TMEM255A: variants seen among roughly 807,000 people sequenced by gnomAD.
TMEM255A encodes the protein transmembrane protein 255A.
A neutral mutation model predicts 23.5 loss-of-function variants in TMEM255A; 14 were observed. The observed-to-expected ratio is 0.60, with a 90% CI of 0.39 to 0.93. The LOEUF (loss-of-function observed/expected upper bound fraction) is 0.93, where lower values mean the gene tolerates loss of function less well. Ranked by LOEUF, TMEM255A falls within the 40% of genes least tolerant of loss-of-function variation. TMEM255A has a pLI of 0.00. For missense variants in TMEM255A, 233 were observed against 261.7 expected, an observed-to-expected ratio of 0.89 and a Z score of 0.76; for synonymous variants, 104 against 100.3, an observed-to-expected ratio of 1.04 and a Z score of -0.22.
chrX:120,252,066 G>A, the TMEM255A span, among the ~76,000 whole-genome samples: 1 of 112,204 alleles, frequency 8.9e-6, no homozygotes, highest in Non-Finnish European at 1.9e-5. Flanking sequence ...CCTTGGTACT[G>A]TTAACATGCA....
At chrX:120,264,911 C>T (rs1302866065) in intron 8 of TMEM255A, among the ~76,000 whole-genome samples, 1 of 101,556 alleles carries the variant, frequency 9.8e-6, no homozygotes, top group Non-Finnish European at 2.0e-5. Flanking sequence ...GCGCTTCTCT[C>T]TTGTTGCCCA....
At chrX:120,254,825 G>C (rs143194661), downstream of TMEM255A, 2 of 1,212,018 alleles carry the variant, frequency 1.7e-6, no homozygotes, top group Middle Eastern at 2.3e-4. Context: ...CTGGCAGCGA[G>C]ATGGCAAACA....
At chrX:120,262,005 C>T (rs1317639644) in intron 8 of TMEM255A, among the ~76,000 whole-genome samples, 1 of 111,834 alleles carries the variant, frequency 8.9e-6, no homozygotes, top group Non-Finnish European at 1.9e-5. Flanking sequence ...AAAATAAAAT[C>T]TAGGCCGGGC....
At chrX:120,294,230 C>G (rs914629854) in intron 2 of TMEM255A, among the ~76,000 whole-genome samples, 179 bp from the exon 3 acceptor site, 1 of 109,566 alleles carries the variant, frequency 9.1e-6, no homozygotes, top group Non-Finnish European at 1.9e-5. Context: ...GTCAGGAGAT[C>G]GAGACCATCC....
In TMEM255A at chrX:120,260,427, A is replaced by G. The variant is rs1556016387; in HGVS notation, c.*443T>C. On this transcript the variant is annotated 3_prime_UTR_variant, in exon 9 of 9. Coordinates refer to ENST00000371369, the MANE Select transcript of TMEM255A (RefSeq NM_001104544.3). ...CTACTGTGTAGCCCCATCAGCTGGGAAATTGTCCTTAGGGACTGACTTTAG... is the reference window on the plus strand; with the variant it reads ...CTACTGTGTAGCCCCATCAGCTGGGGAATTGTCCTTAGGGACTGACTTTAG... 1 of 121,055 alleles carries G rather than the reference A, an allele frequency of 8.3e-6. No individual in the cohort carries two copies. The highest frequency in any genetic ancestry group is 1.7e-5 in the Non-Finnish European group (1 of 60,089). 10.0% of individuals were successfully genotyped at this position (121,055 alleles called of 1,213,427 possible).
chrX:120,279,443 C>T (rs1445032999), intron 6 of TMEM255A, among the ~76,000 whole-genome samples: 1 of 112,413 alleles, frequency 8.9e-6, no homozygotes, highest in East Asian at 2.8e-4. Flanking sequence ...TTATTTACTG[C>T]CCCCAAAAAC....
chrX:120,263,812 G>A (rs929695377), intron 8 of TMEM255A, among the ~76,000 whole-genome samples: 8 of 109,102 alleles, frequency 7.3e-5, no homozygotes, highest in Middle Eastern at 4.6e-3. Context: ...GGTGGCGGGC[G>A]GGTGGCGGGG....
chrX:120,303,858 T>C (rs2058048048), intron 2 of TMEM255A, among the ~76,000 whole-genome samples: 2 of 111,661 alleles, frequency 1.8e-5, no homozygotes, highest in African/African-American at 3.3e-5. Context: ...ATATATATAA[T>C]TTATAAGTGA....
chrX:120,273,138 G>A (rs12116119), intron 7 of TMEM255A: 69,550 of 180,691 alleles, frequency 0.38, 10,060 homozygotes, highest in East Asian at 0.55. Context: ...TGCTACTAGT[G>A]CTGTTGTTTA....
rs371319313 is a variant in TMEM255A, at chrX:120,260,907, T to G, written c.941A>C (p.Tyr314Ser). The G allele has an allele frequency of 5.0e-6, 6 of 1,201,698 alleles. No individual in the cohort carries two copies. The African/African-American group carries it at 8.9e-5, about 18-fold the overall frequency. ...AGGTGGTGGCTTTTCAAAAGGTGGATAGTAGGGTGGAGAGTAACGGGGCGG... is the reference window on the plus strand; with the variant it reads ...AGGTGGTGGCTTTTCAAAAGGTGGAGAGTAGGGTGGAGAGTAACGGGGCGG... ...SAPPRYSPPY[Y>S]PPFEKPPPYS... is the part of the protein sequence containing the mutation. The change falls in exon 9 of 9, where the codon TAT becomes TCT. Residue 314 changes from tyrosine (Y) to serine (S), a missense_variant. Tyr to Ser is a moderately radical substitution (Grantham distance 144, BLOSUM62 -2). Coordinates refer to ENST00000371369, the MANE Select transcript of TMEM255A (RefSeq NM_001104544.3).
At chrX:120,262,245 A>G (rs1173154456) in intron 8 of TMEM255A, among the ~76,000 whole-genome samples, 1 of 111,853 alleles carries the variant, frequency 8.9e-6, no homozygotes, top group Non-Finnish European at 1.9e-5. Flanking sequence ...AGCTCAGATC[A>G]CGCCACTGCA....
At chrX:120,288,382 G>A (rs1389588481) in intron 4 of TMEM255A, among the ~76,000 whole-genome samples, 1 of 112,164 alleles carries the variant, frequency 8.9e-6, no homozygotes, top group East Asian at 2.8e-4. Context: ...TAGCTGGAAA[G>A]GAATGAGGGT....
At chrX:120,263,985 G>T (rs1256112291) in intron 8 of TMEM255A, among the ~76,000 whole-genome samples, 1 of 111,403 alleles carries the variant, frequency 9.0e-6, no homozygotes, top group Non-Finnish European at 1.9e-5. Flanking sequence ...GTACCCTCGT[G>T]ATTAAATAAA....
At chrX:120,261,129 A>G (rs1556016630) in intron 8 of TMEM255A, 101 bp from the exon 9 acceptor site, 12 of 1,028,516 alleles carry the variant, frequency 1.2e-5, no homozygotes, top group Admixed American at 8.2e-5. Context: ...CTTTTTTTCT[A>G]TTTGGAAGAA....
At chrX:120,296,681 T>TA (rs782796676) in intron 2 of TMEM255A, among the ~76,000 whole-genome samples, 837 of 62,425 alleles carry the variant, frequency 0.013, 36 homozygotes, top group African/African-American at 0.049. Context: ...TATATTATAT[T>TA]TAATATATAT....
chrX:120,282,275 G>T (rs1556021052), intron 6 of TMEM255A, among the ~76,000 whole-genome samples: 1 of 111,602 alleles, frequency 9.0e-6, no homozygotes, highest in African/African-American at 3.3e-5. Flanking sequence ...TTATGGCCTG[G>T]TGGGACTGTT....
intron 7 of TMEM255A, among the ~76,000 whole-genome samples, chrX:120,270,344 C>T (rs1323335810): frequency 1.8e-5 from 2 of 109,207 alleles, no homozygotes; most frequent in African/African-American, 3.3e-5. Context: ...CTGGGGCTTA[C>T]GTTGTGAGAC....
intron 7 of TMEM255A, among the ~76,000 whole-genome samples, chrX:120,275,082 G>A (rs1218188922): frequency 8.9e-6 from 1 of 112,308 alleles, no homozygotes; most frequent in African/African-American, 3.2e-5. Flanking sequence ...AGAACAAAGG[G>A]CATTCTTTTC....
chrX:120,277,315 A>G (rs2057806174), intron 6 of TMEM255A, among the ~76,000 whole-genome samples: 1 of 113,140 alleles, frequency 8.8e-6, no homozygotes, highest in African/African-American at 3.2e-5. Context: ...ACTTATTGAC[A>G]CTTGCTATGT....
Sources: allele counts gnomAD v4.1 joint callset (sites outside exome capture counted in the v4.1 genomes callset), GRCh38; gene constraint gnomAD v4.1.1; transcripts MANE v1.5; gene names NCBI Gene and HGNC (gene_info 2026-07-23, HGNC 2026-07-21).